The following FARP1 variants were observed in gnomAD, a reference collection of about 807,000 sequenced individuals.
FARP1 encodes FERM, ARHGEF and pleckstrin domain-containing protein 1.
FARP1 carries 52 observed loss-of-function variants against 128.8 expected under a neutral mutation model. The observed-to-expected ratio is 0.40, with a 90% CI of 0.32 to 0.51. The LOEUF (loss-of-function observed/expected upper bound fraction) is 0.51, where lower values mean the gene tolerates loss of function less well. FARP1 is among the 20% of genes least tolerant of loss of function. The pLI, the probability that FARP1 is intolerant of heterozygous loss-of-function variation, is 0.45. For missense variants in FARP1, 1,333 were observed against 1,367.9 expected (o/e 0.97, Z 0.40); for synonymous variants, 580 against 551.8 (o/e 1.05, Z -0.72).
intron 2 of FARP1, among the ~76,000 whole-genome samples, chr13:98,308,033 C>CTTTTT (rs10536692): frequency 1.9e-3 from 33 of 16,944 alleles, no homozygotes; most frequent in Non-Finnish European, 3.4e-3. Flanking sequence ...CACTCTCTCT[C>CTTTTT]TTTTTTTTTT....
In FARP1 at chr13:98,446,610, G is replaced by C. The variant is rs373700027; in HGVS notation, c.2905-56G>C. The C allele has an allele frequency of 4.0e-5, 63 of 1,584,192 alleles. No homozygotes were observed. The African/African-American group carries it at 7.9e-4, about 20-fold the overall frequency. On this transcript the variant is annotated intron_variant, in intron 25 of 26. Transcript: ENST00000319562. ...CTGTCTGATGCGGGGCAGCAGCCAG[G>C]CCCAGCAGCAGAAGCTGACCCCGAA...
intron 5 of FARP1, among the ~76,000 whole-genome samples, chr13:98,376,406 A>G (rs1488715069): frequency 1.3e-5 from 2 of 152,244 alleles, no homozygotes; most frequent in Non-Finnish European, 2.9e-5. Flanking sequence ...TATTTCACTT[A>G]ACATAATGAC....
In FARP1 at chr13:98,449,680, A is replaced by G. The variant is rs1438171259; in HGVS notation, c.*1363A>G. The G allele has an allele frequency of 2.6e-5, 4 of 152,534 alleles. No homozygotes were observed. Among genetic ancestry groups the G allele is most frequent in the African/African-American group, 9.7e-5 (4 of 41,394 alleles). The allele number at this position is 152,534 out of a possible 1,614,324, so 9.4% of individuals were successfully genotyped here. On this transcript the variant is annotated 3_prime_UTR_variant, in exon 27 of 27. Transcript: ENST00000319562. ...GCCGTGTGTTAATCATTTGCCTTAC[A>G]AGATGTACCAGACGGTTTCCAGTAC...
chr13:98,321,633 G>C (rs1012430460), intron 2 of FARP1, among the ~76,000 whole-genome samples: 1 of 152,192 alleles, frequency 6.6e-6, no homozygotes, highest in Non-Finnish European at 1.5e-5. Context: ...AGAAGGCTCT[G>C]TGACAAATTA....
intron 13 of FARP1, chr13:98,406,196 A>G (rs1219814494): frequency 6.6e-6 from 1 of 152,208 alleles, no homozygotes; most frequent in African/African-American, 2.4e-5. Context: ...AAGCTGCCAA[A>G]TTCTACTAAT....
At chr13:98,362,456 C>G (rs1042819247) in intron 3 of FARP1, among the ~76,000 whole-genome samples, 2 of 152,200 alleles carry the variant, frequency 1.3e-5, no homozygotes, top group Non-Finnish European at 2.9e-5. Flanking sequence ...TGAGACAGTT[C>G]TCAGTTTCTT....
intron 6 of FARP1, 60 bp downstream of exon 6, chr13:98,377,978 T>C: frequency 1.6e-6 from 2 of 1,281,480 alleles, no homozygotes; most frequent in Non-Finnish European, 1.1e-6. Flanking sequence ...ATCTGATTGA[T>C]GGGAAAAAAA....
At chr13:98,431,375 A>G (rs1686664024) in intron 18 of FARP1, 95 bp downstream of exon 18, 1 of 748,188 alleles carries the variant, frequency 1.3e-6, no homozygotes, top group African/African-American at 1.8e-5. Flanking sequence ...CTCCCCGGGG[A>G]GAGAGGTCAG....
intron 2 of FARP1, among the ~76,000 whole-genome samples, chr13:98,314,708 T>A (rs1332125776): frequency 6.6e-6 from 1 of 152,190 alleles, no homozygotes. Context: ...TTAAATGAAA[T>A]CAGCCAGGCC....
intron 2 of FARP1, among the ~76,000 whole-genome samples, chr13:98,258,835 T>A (rs1376004319): frequency 6.6e-6 from 1 of 152,222 alleles, no homozygotes; most frequent in Non-Finnish European, 1.5e-5. Flanking sequence ...TCTGGTAGGA[T>A]CCTTCATATG....
intron 2 of FARP1, 135 bp from the exon 3 acceptor site, chr13:98,343,627 G>A (rs979583966): frequency 1.2e-5 from 8 of 671,294 alleles, no homozygotes; most frequent in Non-Finnish European, 1.9e-5. Flanking sequence ...CGTTCAGGGT[G>A]TCACGGAGGT....
chr13:98,427,138 C>A (rs1284091314), intron 17 of FARP1, among the ~76,000 whole-genome samples: 1 of 152,008 alleles, frequency 6.6e-6, no homozygotes, highest in Non-Finnish European at 1.5e-5. Flanking sequence ...AGAACAGTTT[C>A]CCTGCCCTAA....
intron 1 of FARP1, chr13:98,177,318 C>G (rs768873844): frequency 8.6e-6 from 10 of 1,156,382 alleles, no homozygotes; most frequent in Non-Finnish European, 1.2e-5. Context: ...GGCGTGGGCC[C>G]TCCCAGTTCT....
intron 3 of FARP1, among the ~76,000 whole-genome samples, chr13:98,346,960 A>G (rs1342894567): frequency 6.6e-6 from 1 of 152,212 alleles, no homozygotes. Flanking sequence ...ACAGATGCAA[A>G]TGCAATGAAA....
At chr13:98,241,853 A>G (rs1882789822) in intron 2 of FARP1, among the ~76,000 whole-genome samples, 1 of 152,122 alleles carries the variant, frequency 6.6e-6, no homozygotes, top group Non-Finnish European at 1.5e-5. Flanking sequence ...CAGGAGGTGG[A>G]GGTTGCAGTG....
intron 13 of FARP1, chr13:98,402,468 G>A (rs1250484358): frequency 6.6e-6 from 1 of 152,222 alleles, no homozygotes; most frequent in Non-Finnish European, 1.5e-5. Context: ...GGGTCACTTA[G>A]GAGCCTGCAG....
chr13:98,150,362 A>T (rs1875908824), intron 1 of FARP1, among the ~76,000 whole-genome samples: 1 of 152,046 alleles, frequency 6.6e-6, no homozygotes, highest in Non-Finnish European at 1.5e-5. Flanking sequence ...TTTTGTTCAG[A>T]TTGTTTTATA....
rs117701237 is a variant in FARP1, at chr13:98,374,541, A to T, written c.399-3280A>T. On this transcript the variant is annotated intron_variant, in intron 5 of 26. Transcript: ENST00000319562. ...GTTAGTCCCTCATTTTCTTTTCCTC[A>T]TGATAGCATCTTGTTGAAGAAACTG... Among the ~76,000 whole-genome samples, 1,418 of 152,232 alleles carry T rather than the reference A, an allele frequency of 9.3e-3. 50 individuals are homozygous for T. Among genetic ancestry groups the T allele is most frequent in the Admixed American group, 0.063 (958 of 15,288 alleles).
At chr13:98,423,389 C>G (rs1043307540) in intron 16 of FARP1, among the ~76,000 whole-genome samples, 5 of 152,170 alleles carry the variant, frequency 3.3e-5, no homozygotes, top group African/African-American at 9.7e-5. Context: ...TCTCTCACTT[C>G]CTATTAGAAG....
Sources: gnomAD v4.1 joint callset for allele counts (sites outside exome capture counted in the v4.1 genomes callset) on GRCh38, gnomAD v4.1.1 for gene constraint, MANE v1.5 for transcripts, NCBI Gene and HGNC (gene_info 2026-07-23, HGNC 2026-07-21) for gene names.